The following DENND1A variants were observed in gnomAD, a reference collection of about 807,000 sequenced individuals.
DENND1A encodes the protein DENN domain containing 1A, also known as DENN domain-containing protein 1A.
A neutral mutation model predicts 113.7 loss-of-function variants in DENND1A; 51 were observed. The ratio of observed to expected loss-of-function variants is 0.45; its 90% confidence interval spans 0.36 to 0.57. DENND1A has a LOEUF of 0.57. Ranked by LOEUF, DENND1A falls within the 20% of genes least tolerant of loss-of-function variation. The pLI is 0.00. For missense variants in DENND1A, 1,258 were observed against 1,395.9 expected (o/e 0.90, Z 1.57); for synonymous variants, 565 against 570.8 (o/e 0.99, Z 0.14).
intron 9 of DENND1A, among the ~76,000 whole-genome samples, chr9:123,641,829 A>G (rs1419927415): frequency 6.6e-6 from 1 of 152,186 alleles, no homozygotes; most frequent in Non-Finnish European, 1.5e-5. Flanking sequence ...CAAAAAATAC[A>G]CATTCCATGG....
At chr9:123,685,702 T>C (rs2078229) in intron 5 of DENND1A, among the ~76,000 whole-genome samples, 13,696 of 152,158 alleles carry the variant, frequency 0.09, 1,343 homozygotes, top group African/African-American at 0.25. Flanking sequence ...GGTGAAGTGT[T>C]GGTAACATGA....
intron 19 of DENND1A, among the ~76,000 whole-genome samples, chr9:123,419,976 C>T (rs189024031): frequency 6.6e-6 from 1 of 152,354 alleles, no homozygotes; most frequent in African/African-American, 2.4e-5. Context: ...TGCTCCTTGC[C>T]TGAGCCACTC....
At chr9:123,875,312 C>G (rs1424683511) in intron 2 of DENND1A, among the ~76,000 whole-genome samples, 1 of 152,124 alleles carries the variant, frequency 6.6e-6, no homozygotes, top group African/African-American at 2.4e-5. Context: ...TGGGCAAACC[C>G]ACCTGTAACA....
At chr9:123,659,570 C>CA (rs2063126477) in intron 8 of DENND1A, among the ~76,000 whole-genome samples, 2 of 152,316 alleles carry the variant, frequency 1.3e-5, no homozygotes, top group East Asian at 3.9e-4. Context: ...GAAAAAGAAA[C>CA]AGACCATTGA....
intron 12 of DENND1A, among the ~76,000 whole-genome samples, chr9:123,578,079 G>A (rs76837818): frequency 6.6e-6 from 1 of 152,194 alleles, no homozygotes; most frequent in Non-Finnish European, 1.5e-5. Flanking sequence ...GTCTTCAGCA[G>A]GTTTGTCAAT....
At chr9:123,768,038 T>C (rs151121765) in intron 4 of DENND1A, among the ~76,000 whole-genome samples, 1 of 152,302 alleles carries the variant, frequency 6.6e-6, no homozygotes, top group Non-Finnish European at 1.5e-5. Flanking sequence ...ATTAAATATC[T>C]CTAAACAAAA....
intron 8 of DENND1A, 72 bp downstream of exon 8, chr9:123,666,954 A>G: frequency 7.3e-7 from 1 of 1,367,408 alleles, no homozygotes; most frequent in Non-Finnish European, 9.9e-7. Flanking sequence ...CACATCCTTT[A>G]TTTATTCAAA....
chr9:123,502,448 T>C (rs1449051999), intron 13 of DENND1A, among the ~76,000 whole-genome samples: 1 of 152,268 alleles, frequency 6.6e-6, no homozygotes, highest in Non-Finnish European at 1.5e-5. Flanking sequence ...TGATTAGTGA[T>C]GAACATATGC....
chr9:123,525,758 CTTTTTTT>C (rs34055700), intron 13 of DENND1A, among the ~76,000 whole-genome samples: 1 of 129,844 alleles, frequency 7.7e-6, no homozygotes, highest in African/African-American at 2.9e-5. Flanking sequence ...TGCAGTCTAC[CTTTTTTT>C]TTTTTTTTTT....
At chr9:123,743,524 G>T (rs996070602) in intron 5 of DENND1A, among the ~76,000 whole-genome samples, 1 of 152,062 alleles carries the variant, frequency 6.6e-6, no homozygotes, top group East Asian at 1.9e-4. Flanking sequence ...CTGAGGTCAG[G>T]GGTTTGAGAC....
At position 123,795,479 on chromosome 9, in the gene DENND1A, T is replaced by C. The variant is rs1011556663; in HGVS notation, c.89-2849A>G. Among the ~76,000 whole-genome samples the C allele has an allele frequency of 7.2e-5, 11 of 152,222 alleles. No homozygotes were observed. In the East Asian group the frequency reaches 1.2e-3, roughly 16 times the overall value. On this transcript the variant is annotated intron_variant, in intron 2 of 23. Coordinates refer to ENST00000394215, the MANE Select transcript of DENND1A (RefSeq NM_001352964.2). ...ACCCGCCTTACTAACAGTTTCAGCATGGCACATGTACAAAACCTAGCACCC... is the reference window on the plus strand; with the variant it reads ...ACCCGCCTTACTAACAGTTTCAGCACGGCACATGTACAAAACCTAGCACCC...
At chr9:123,572,658 G>T (rs1420099730) in intron 12 of DENND1A, among the ~76,000 whole-genome samples, 1 of 152,046 alleles carries the variant, frequency 6.6e-6, no homozygotes, top group African/African-American at 2.4e-5. Flanking sequence ...TCTTGCTATT[G>T]AGTTTTGGAA....
At chr9:123,758,494 G>A (rs1262561162) in intron 4 of DENND1A, among the ~76,000 whole-genome samples, 1 of 152,188 alleles carries the variant, frequency 6.6e-6, no homozygotes, top group Non-Finnish European at 1.5e-5. Flanking sequence ...AAGAGGAGGA[G>A]CTGAAATTGA....
chr9:123,830,057 G>T (rs960007191), intron 2 of DENND1A, among the ~76,000 whole-genome samples: 4 of 152,070 alleles, frequency 2.6e-5, no homozygotes, highest in African/African-American at 7.2e-5. Context: ...TCTGATAAAG[G>T]TTATCTATTT....
chr9:123,871,634 T>C (rs1846627114), intron 2 of DENND1A, among the ~76,000 whole-genome samples: 1 of 152,184 alleles, frequency 6.6e-6, no homozygotes, highest in Non-Finnish European at 1.5e-5. Context: ...TTTTTTTATG[T>C]TGCTGCTTAA....
rs1335433570 is a variant in DENND1A, at chr9:123,380,119, AC to A, written c.*1312del. 1.3e-5 allele frequency: 2 copies of A among 152,024 alleles called. No individual in the cohort carries two copies. Among genetic ancestry groups the A allele is most frequent in the African/African-American group, 4.8e-5 (2 of 41,364 alleles). 9.4% of individuals were successfully genotyped at this position (152,024 alleles called of 1,614,324 possible). A position where few individuals can be genotyped will look rare whatever the true frequency, so the allele number is the denominator to read the frequency against. ...CCAGAGACCCCCTTGTCCCCCAGAC[AC>A]CCCTGGGTAGACTGTGTCTGACCCT... On this transcript the variant is annotated 3_prime_UTR_variant, in exon 24 of 24. Coordinates refer to ENST00000394215, the MANE Select transcript of DENND1A (RefSeq NM_001352964.2).
intron 13 of DENND1A, among the ~76,000 whole-genome samples, chr9:123,553,399 C>CT (rs1564706338): frequency 1.5e-5 from 1 of 67,154 alleles, no homozygotes; most frequent in African/African-American, 9.8e-5. Flanking sequence ...TTTTAAAAGC[C>CT]GCCCCCCCCC....
chr9:123,655,531 G>A (rs376258226), intron 8 of DENND1A, among the ~76,000 whole-genome samples: 2 of 152,270 alleles, frequency 1.3e-5, no homozygotes, highest in South Asian at 2.1e-4. Context: ...CACAAAGACC[G>A]GTAAGTAACT....
At position 123,419,883 on chromosome 9, in the gene DENND1A, G is replaced by A. The variant is rs375805139; in HGVS notation, c.1489-8054C>T. 2.6e-5 allele frequency among the ~76,000 whole-genome samples: 4 copies of A among 152,296 alleles called. No individual in the cohort carries two copies. In the East Asian group the frequency reaches 5.8e-4, roughly 22 times the overall value. On this transcript the variant is annotated intron_variant, in intron 19 of 23. Coordinates refer to ENST00000394215, the MANE Select transcript of DENND1A (RefSeq NM_001352964.2). ...TGAGGGCTGTGCTGCTTGCGGGGGA[G>A]GATCAAATACTTGCCTCCACTTCAG...
Sources: gnomAD v4.1 joint callset for allele counts (sites outside exome capture counted in the v4.1 genomes callset) on GRCh38, gnomAD v4.1.1 for gene constraint, MANE v1.5 for transcripts, NCBI Gene and HGNC (gene_info 2026-07-23, HGNC 2026-07-21) for gene names.